SPAG16: variants seen among roughly 807,000 people sequenced by gnomAD.
SPAG16 encodes sperm associated antigen 16.
A neutral mutation model predicts 80.4 loss-of-function variants in SPAG16; 86 were observed. The observed-to-expected ratio is 1.07, with a 90% CI of 0.90 to 1.28. The LOEUF (loss-of-function observed/expected upper bound fraction) is 1.28, where lower values mean the gene tolerates loss of function less well. Among genes scored for constraint, SPAG16 ranks in the 50% most tolerant of loss-of-function variants. The pLI is 0.00. For synonymous variants in SPAG16, 294 were observed against 265.9 expected (o/e 1.11, Z -1.03); for missense variants, 870 against 765.3 (o/e 1.14, Z -1.61).
chr2:213,474,306 T>C (rs914888756), intron 9 of SPAG16, among the ~76,000 whole-genome samples: 2 of 152,162 alleles, frequency 1.3e-5, no homozygotes, highest in East Asian at 1.9e-4. Context: ...TGTCTTTTTT[T>C]CCACAATTTC....
At chr2:214,350,387 T>A (rs1367229752) in intron 15 of SPAG16, among the ~76,000 whole-genome samples, 1 of 152,244 alleles carries the variant, frequency 6.6e-6, no homozygotes, top group East Asian at 1.9e-4. Flanking sequence ...CTTAAGCCAA[T>A]ACAGTGAATT....
chr2:213,651,695 G>A (rs1323186557), intron 10 of SPAG16, among the ~76,000 whole-genome samples: 1 of 152,076 alleles, frequency 6.6e-6, no homozygotes, highest in African/African-American at 2.4e-5. Context: ...TCAAGGGAAG[G>A]AATTTCTGGA....
chr2:214,130,762 C>T (rs558410487), intron 14 of SPAG16, among the ~76,000 whole-genome samples: 6 of 152,236 alleles, frequency 3.9e-5, no homozygotes, highest in African/African-American at 1.4e-4. Flanking sequence ...AATAATGACA[C>T]TGAAAATGAA....
At chr2:213,809,612 C>T (rs2071997600) in intron 10 of SPAG16, among the ~76,000 whole-genome samples, 1 of 152,044 alleles carries the variant, frequency 6.6e-6, no homozygotes, top group Admixed American at 6.6e-5. Context: ...AAACAAGCAG[C>T]AAGGTTACTT....
intron 15 of SPAG16, among the ~76,000 whole-genome samples, chr2:214,371,458 G>C (rs548605266): frequency 4.0e-5 from 6 of 150,290 alleles, no homozygotes; most frequent in South Asian, 4.2e-4. Flanking sequence ...CTTGAACCCG[G>C]GAGGCAGAGG....
At chr2:214,175,624 A>G (rs1270499445) in intron 15 of SPAG16, among the ~76,000 whole-genome samples, 1 of 151,490 alleles carries the variant, frequency 6.6e-6, no homozygotes, top group African/African-American at 2.4e-5. Context: ...AAAAAAGAGC[A>G]ATGTCAAAAG....
At chr2:213,305,169 G>C (rs2062890427) in intron 3 of SPAG16, among the ~76,000 whole-genome samples, 3 of 152,076 alleles carry the variant, frequency 2.0e-5, no homozygotes, top group Admixed American at 2.0e-4. Flanking sequence ...ATCTTTACCA[G>C]ATTGTTAACT....
chr2:213,748,112 C>T (rs1468015761), intron 10 of SPAG16, among the ~76,000 whole-genome samples: 2 of 152,072 alleles, frequency 1.3e-5, no homozygotes, highest in Admixed American at 6.6e-5. Flanking sequence ...CCATTATAAA[C>T]TTACAGCACA....
chr2:213,551,327 T>A (rs1045976908), intron 10 of SPAG16, among the ~76,000 whole-genome samples: 4 of 152,244 alleles, frequency 2.6e-5, no homozygotes, highest in African/African-American at 9.6e-5. Flanking sequence ...GATTTTTCAC[T>A]GGCATTAGGG....
chr2:213,968,674 C>G (rs999370251), intron 12 of SPAG16, among the ~76,000 whole-genome samples: 3 of 152,144 alleles, frequency 2.0e-5, no homozygotes, highest in Non-Finnish European at 2.9e-5. Flanking sequence ...GTAAAAAGTC[C>G]AAGCTGTAAA....
chr2:214,196,164 G>A lies in SPAG16; in HGVS notation c.1720+46898G>A, dbSNP rs543857149. On this transcript the variant is annotated intron_variant, in intron 15 of 15. Transcript: ENST00000331683. ...TCAGTATTGTATGCCTCGGGAAGGT[G>A]GAGATATAGGACAGAAGGAAGAAAC... Among the ~76,000 whole-genome samples, 3 of 152,086 alleles carry A rather than the reference G, an allele frequency of 2.0e-5. No homozygotes were observed. The South Asian group carries it at 6.2e-4, about 32-fold the overall frequency.
At chr2:213,903,343 T>C in intron 11 of SPAG16, among the ~76,000 whole-genome samples, 1 of 152,216 alleles carries the variant, frequency 6.6e-6, no homozygotes, top group East Asian at 1.9e-4. Context: ...CTATACATCT[T>C]CTGAAATCTA....
At chr2:213,839,937 A>C (rs1440632299) in intron 10 of SPAG16, among the ~76,000 whole-genome samples, 1 of 152,210 alleles carries the variant, frequency 6.6e-6, no homozygotes, top group East Asian at 1.9e-4. Context: ...GAAAAGAAGA[A>C]ACATTAAAAA....
chr2:213,677,676 T>G (rs1270076667), intron 10 of SPAG16, among the ~76,000 whole-genome samples: 1 of 152,112 alleles, frequency 6.6e-6, no homozygotes, highest in African/African-American at 2.4e-5. Context: ...ATGGGAGCCT[T>G]TGACACCCCA....
intron 10 of SPAG16, among the ~76,000 whole-genome samples, chr2:213,612,811 G>A (rs2061479824): frequency 6.6e-6 from 1 of 152,076 alleles, no homozygotes; most frequent in Non-Finnish European, 1.5e-5. Context: ...AGCCTCCCGA[G>A]TAGCTGGGAT....
intron 15 of SPAG16, among the ~76,000 whole-genome samples, chr2:214,196,575 C>A (rs2057845941): frequency 1.3e-5 from 2 of 151,808 alleles, no homozygotes; most frequent in Non-Finnish European, 2.9e-5. Context: ...CACTACAAAC[C>A]AAGAAAAATG....
intron 10 of SPAG16, among the ~76,000 whole-genome samples, chr2:213,504,758 A>G (rs2074892919): frequency 6.6e-6 from 1 of 152,234 alleles, no homozygotes; most frequent in Admixed American, 6.5e-5. Flanking sequence ...TGGGGAAAAA[A>G]GGGGAAGTTT....
chr2:213,294,249 A>G (rs1407741199), intron 1 of SPAG16, among the ~76,000 whole-genome samples: 1 of 152,188 alleles, frequency 6.6e-6, no homozygotes, highest in African/African-American at 2.4e-5. Context: ...TAGGGTGTTA[A>G]ATAAGAAGTA....
At chr2:213,573,782 G>A (rs898103309) in intron 10 of SPAG16, among the ~76,000 whole-genome samples, 2 of 152,076 alleles carry the variant, frequency 1.3e-5, no homozygotes, top group East Asian at 3.8e-4. Context: ...ACAAAGATTT[G>A]ATAATTTTCT....
Sources: allele counts gnomAD v4.1 joint callset (sites outside exome capture counted in the v4.1 genomes callset), GRCh38; gene constraint gnomAD v4.1.1; transcripts MANE v1.5; gene names NCBI Gene and HGNC (gene_info 2026-07-23, HGNC 2026-07-21).